Variants in PRUNE2 observed in about 807,000 individuals in gnomAD.
PRUNE2 encodes protein prune homolog 2.
A neutral mutation model predicts 252.0 loss-of-function variants in PRUNE2; 164 were observed. The observed-to-expected ratio is 0.65, with a 90% CI of 0.57 to 0.74. The LOEUF is 0.74. PRUNE2 is among the 30% of genes least tolerant of loss of function. The probability of loss-of-function intolerance (pLI) is 0.00; values close to 1 mark genes in which losing one functional copy is unlikely to be tolerated. For missense variants in PRUNE2, 3,495 were observed against 3,711.0 expected (o/e 0.94, Z 1.51); for synonymous variants, 1,292 against 1,350.2 (o/e 0.96, Z 0.94).
intron 6 of PRUNE2, among the ~76,000 whole-genome samples, chr9:76,810,529 T>C (rs1462066732): frequency 2.6e-5 from 4 of 152,230 alleles, no homozygotes; most frequent in Non-Finnish European, 5.9e-5. Context: ...CCTGTTTTCC[T>C]GTTTCCACCA....
At chr9:76,686,813 G>T (rs1175568445) in intron 9 of PRUNE2, among the ~76,000 whole-genome samples, 3 of 152,248 alleles carry the variant, frequency 2.0e-5, no homozygotes, top group East Asian at 1.9e-4. Flanking sequence ...GCCTAGGCTG[G>T]TCTCAAACTC....
At chr9:76,676,978 A>G (rs564868771) in intron 9 of PRUNE2, among the ~76,000 whole-genome samples, 3 of 152,318 alleles carry the variant, frequency 2.0e-5, no homozygotes, top group African/African-American at 7.2e-5. Flanking sequence ...CATCTTCACA[A>G]ATATTTTCTG....
At chr9:76,833,718 T>A (rs2058795678) in intron 4 of PRUNE2, among the ~76,000 whole-genome samples, 1 of 150,746 alleles carries the variant, frequency 6.6e-6, no homozygotes, top group Non-Finnish European at 1.5e-5. Flanking sequence ...TGAGCCGAGA[T>A]TGCGCCACTG....
At chr9:76,696,053 C>T (rs1395137615) in intron 9 of PRUNE2, among the ~76,000 whole-genome samples, 2 of 152,122 alleles carry the variant, frequency 1.3e-5, no homozygotes, top group African/African-American at 4.8e-5. Flanking sequence ...GCATCCCTGG[C>T]CTCTGCCCAT....
chr9:76,786,161 G>C lies in PRUNE2; in HGVS notation c.756+37471C>G, dbSNP rs556946931. 2.3e-4 allele frequency: 35 copies of C among 152,272 alleles called. 1 individual carries two copies. The highest frequency in any genetic ancestry group is 7.9e-4 in the African/African-American group (33 of 41,560). The allele number at this position is 152,272 out of a possible 1,614,324, so 9.4% of individuals were successfully genotyped here. A position where few individuals can be genotyped will look rare whatever the true frequency, so the allele number is the denominator to read the frequency against. ...CTCATCTTTTAGGAATCATTTACCAGGTTTGGAGAGGATTCAGACAGCTCA... is the reference window on the plus strand; with the variant it reads ...CTCATCTTTTAGGAATCATTTACCACGTTTGGAGAGGATTCAGACAGCTCA... On this transcript the variant is annotated intron_variant, in intron 6 of 18. Coordinates refer to ENST00000376718, the MANE Select transcript of PRUNE2 (RefSeq NM_015225.3).
At chr9:76,874,656 T>A (rs2061386121) in intron 1 of PRUNE2, among the ~76,000 whole-genome samples, 1 of 152,200 alleles carries the variant, frequency 6.6e-6, no homozygotes, top group East Asian at 1.9e-4. Context: ...AATTAACATT[T>A]AAAGGAACCA....
chr9:76,694,034 G>T (rs2045112481), intron 9 of PRUNE2, among the ~76,000 whole-genome samples: 1 of 152,170 alleles, frequency 6.6e-6, no homozygotes, highest in African/African-American at 2.4e-5. Flanking sequence ...GGGAATGTCT[G>T]CCCAGGGCAA....
At chr9:76,788,085 C>G (rs982650906) in intron 6 of PRUNE2, among the ~76,000 whole-genome samples, 2 of 152,186 alleles carry the variant, frequency 1.3e-5, no homozygotes, top group Admixed American at 6.5e-5. Flanking sequence ...AACTAAAGTT[C>G]TTTGTGCCCT....
At position 76,667,281 on chromosome 9, in the gene PRUNE2, T is replaced by C. The variant is rs188744434; in HGVS notation, c.8277-11779A>G. ...GCAACTGGGAGTGAATTTGAAAGAA[T>C]GAGGTTCTTCCGAAGGGAAGGGGGA... On this transcript the variant is annotated intron_variant, in intron 9 of 18. Coordinates refer to ENST00000376718, the MANE Select transcript of PRUNE2 (RefSeq NM_015225.3). Among the ~76,000 whole-genome samples the C allele has an allele frequency of 2.6e-3, 393 of 152,284 alleles. 1 individual carries two copies. The highest frequency in any genetic ancestry group is 9.1e-3 in the African/African-American group (378 of 41,566).
intron 6 of PRUNE2, among the ~76,000 whole-genome samples, chr9:76,733,894 T>A (rs951219420): frequency 6.6e-6 from 1 of 151,976 alleles, no homozygotes; most frequent in Non-Finnish European, 1.5e-5. Flanking sequence ...GATTTTTTTT[T>A]AAAGCAGTCT....
In PRUNE2 at chr9:76,704,809, T is replaced by C. The variant is rs375144440; in HGVS notation, c.7465A>G (p.Thr2489Ala). ...CCTGCTGGTAAATCAGAATTATCTG[T>C]TTCTACTTCCCAGTCAACGTTTGAT... is the stretch of plus-strand genomic sequence containing the variant. The part of the protein sequence containing the change: ...SPSNVDWEVE[T>A]DNSDLPAGGD... The change falls in exon 8 of 19, where the codon ACA becomes GCA. Residue 2489 changes from threonine (T) to alanine (A), a missense_variant. By Grantham distance (58) the Thr-to-Ala change is moderately conservative (BLOSUM62 0). Transcript: ENST00000376718. 109 of 1,582,272 alleles carry C rather than the reference T, an allele frequency of 6.9e-5. No homozygotes were observed. In the African/African-American group the frequency reaches 1.3e-3, roughly 18 times the overall value.
chr9:76,773,094 C>T (rs1056233375), intron 6 of PRUNE2, among the ~76,000 whole-genome samples: 2 of 152,176 alleles, frequency 1.3e-5, no homozygotes, highest in Non-Finnish European at 2.9e-5. Flanking sequence ...ACCTGAGATC[C>T]TACCAGCTTC....
At position 76,708,691 on chromosome 9, in the gene PRUNE2, G is replaced by A. The variant is rs1314140638; in HGVS notation, c.3583C>T (p.His1195Tyr). The A allele has an allele frequency of 6.2e-7, 1 of 1,613,916 alleles. No individual in the cohort carries two copies. Among genetic ancestry groups the A allele is most frequent in the Non-Finnish European group, 8.5e-7 (1 of 1,179,898 alleles). Reference sequence around the variant, plus strand: ...TCACTGGGAGCACTGTCCTTGGTATGCTCATCAGAGGCAGGGAGCTCCCAA... The same window carrying A: ...TCACTGGGAGCACTGTCCTTGGTATACTCATCAGAGGCAGGGAGCTCCCAA... ...VDWELPASDE[H>Y]TKDSAPSEHH... The change falls in exon 8 of 19, where the codon CAT becomes TAT. Residue 1195 changes from histidine (H) to tyrosine (Y), a missense_variant. Coordinates refer to ENST00000376718, the MANE Select transcript of PRUNE2 (RefSeq NM_015225.3).
At chr9:76,694,917 G>A (rs2045233941) in intron 9 of PRUNE2, among the ~76,000 whole-genome samples, 1 of 152,030 alleles carries the variant, frequency 6.6e-6, no homozygotes, top group Admixed American at 6.5e-5. Flanking sequence ...TTAATAAATG[G>A]AAGTTTAAAA....
At chr9:76,716,660 G>A (rs536145754) in intron 6 of PRUNE2, among the ~76,000 whole-genome samples, 48 of 152,114 alleles carry the variant, frequency 3.2e-4, no homozygotes, top group South Asian at 1.2e-3. Flanking sequence ...AATGGTATAG[G>A]TATGTTTATT....
chr9:76,670,343 A>T (rs4335196), intron 9 of PRUNE2, among the ~76,000 whole-genome samples: 31,418 of 151,314 alleles, frequency 0.21, 3,467 homozygotes, highest in Admixed American at 0.29. Flanking sequence ...GCTTTTCCAA[A>T]GGGCTTAAAA....
chr9:76,903,141 T>C (rs953427983), intron 1 of PRUNE2, among the ~76,000 whole-genome samples: 6 of 152,216 alleles, frequency 3.9e-5, no homozygotes, highest in Admixed American at 2.0e-4. Context: ...ATAATAAATG[T>C]TCCCAGTCAG....
intron 1 of PRUNE2, among the ~76,000 whole-genome samples, chr9:76,879,138 A>C (rs2061617875): frequency 6.6e-6 from 1 of 152,240 alleles, no homozygotes; most frequent in African/African-American, 2.4e-5. Context: ...GTTTAAACAC[A>C]TGGCCACATC....
At chr9:76,723,444 G>C (rs1024017495) in intron 6 of PRUNE2, among the ~76,000 whole-genome samples, 10 of 152,176 alleles carry the variant, frequency 6.6e-5, no homozygotes, top group Admixed American at 6.5e-4. Context: ...AGAGAAACTA[G>C]AAATTAGAAT....
Sources: allele counts gnomAD v4.1 joint callset (sites outside exome capture counted in the v4.1 genomes callset), GRCh38; gene constraint gnomAD v4.1.1; transcripts MANE v1.5; gene names NCBI Gene and HGNC (gene_info 2026-07-23, HGNC 2026-07-21).